METTL15: variants seen among roughly 807,000 people sequenced by gnomAD.
METTL15 encodes methyltransferase 15, mitochondrial 12S rRNA N4-cytidine.
METTL15 carries 34 observed loss-of-function variants against 38.3 expected under a neutral mutation model. The observed-to-expected ratio is 0.89, with a 90% CI of 0.68 to 1.18. The LOEUF (loss-of-function observed/expected upper bound fraction) is 1.18. Ranked by LOEUF, METTL15 falls within the 50% of genes most tolerant of loss-of-function variation. METTL15 has a pLI of 0.00. For synonymous variants in METTL15, 162 were observed against 170.9 expected (o/e 0.95, Z 0.41); for missense variants, 438 against 498.4 (o/e 0.88, Z 1.15).
intron 3 of METTL15, among the ~76,000 whole-genome samples, chr11:28,131,356 C>G (rs1849328988): frequency 6.6e-6 from 1 of 152,186 alleles, no homozygotes; most frequent in Non-Finnish European, 1.5e-5. Context: ...CGCACCATCT[C>G]TAGCCCAGGT....
chr11:28,320,366 CTAGGCAACG>C (rs929114297), intron 6 of METTL15, among the ~76,000 whole-genome samples: 3 of 151,456 alleles, frequency 2.0e-5, no homozygotes, highest in African/African-American at 4.9e-5. Flanking sequence ...CAAGACCAGC[CTAGGCAACG>C]TAGCGAGACC....
chr11:28,267,613 C>T (rs539089984), intron 4 of METTL15, among the ~76,000 whole-genome samples: 3 of 152,304 alleles, frequency 2.0e-5, no homozygotes, highest in South Asian at 4.1e-4. Flanking sequence ...TAGCCTGGTA[C>T]AGTGCCCAGA....
At chr11:28,458,206 A>G (rs948127290) in intron 6 of METTL15, among the ~76,000 whole-genome samples, 5 of 152,192 alleles carry the variant, frequency 3.3e-5, no homozygotes, top group Non-Finnish European at 7.3e-5. Flanking sequence ...ATGGAGCCTC[A>G]TCTTCAGTTT....
intron 6 of METTL15, among the ~76,000 whole-genome samples, chr11:28,425,262 A>G (rs775616498): frequency 6.6e-6 from 1 of 152,196 alleles, no homozygotes; most frequent in Non-Finnish European, 1.5e-5. Flanking sequence ...ACAGAAGTCA[A>G]AGTAATGTTT....
intron 5 of METTL15, among the ~76,000 whole-genome samples, chr11:28,367,460 A>G (rs1455435468): frequency 6.6e-6 from 1 of 152,142 alleles, no homozygotes; most frequent in Non-Finnish European, 1.5e-5. Context: ...TTTCAAGGAG[A>G]ACTACAAACC....
intron 6 of METTL15, among the ~76,000 whole-genome samples, chr11:28,518,046 CGTT>C (rs1335416736): frequency 6.6e-6 from 1 of 152,130 alleles, no homozygotes; most frequent in African/African-American, 2.4e-5. Flanking sequence ...ATGTTCATGT[CGTT>C]AAGTGGTTCC....
chr11:28,184,957 A>G lies in METTL15; in HGVS notation c.271-26105A>G, dbSNP rs781625865. Among the ~76,000 whole-genome samples the G allele has an allele frequency of 5.5e-4, 84 of 151,644 alleles. 1 individual carries two copies. The highest frequency in any genetic ancestry group is 1.6e-3 in the East Asian group (8 of 5,152). On this transcript the variant is annotated intron_variant, in intron 3 of 6. Transcript: ENST00000407364. ...GACAGTTCCTGAGTAAAGGAAATAT[A>G]TTGAAAGTTTATTTTTAATTATGAG...
intron 5 of METTL15, among the ~76,000 whole-genome samples, chr11:28,415,675 C>A (rs1448981115): frequency 6.6e-6 from 1 of 152,104 alleles, no homozygotes; most frequent in Non-Finnish European, 1.5e-5. Flanking sequence ...CAAATAGAAG[C>A]TATAGTTGAT....
chr11:28,228,106 C>T (rs1466991023), intron 4 of METTL15, among the ~76,000 whole-genome samples: 2 of 151,764 alleles, frequency 1.3e-5, no homozygotes, highest in African/African-American at 4.8e-5. Context: ...TCAGTCTTAC[C>T]GTGTTCTCAA....
intron 3 of METTL15, among the ~76,000 whole-genome samples, chr11:28,180,514 G>A (rs1851244491): frequency 3.3e-5 from 5 of 151,648 alleles, no homozygotes; most frequent in Admixed American, 2.6e-4. Context: ...TTTAAATAAG[G>A]ACTAGAACTA....
Position 28,391,062 on chromosome 11 carries a change from T to G in METTL15, c.*358+29026T>G, listed in dbSNP as rs182556739. Among the ~76,000 whole-genome samples, 32 of 152,290 alleles carry G rather than the reference T, an allele frequency of 2.1e-4. 1 individual carries two copies. In the East Asian group the frequency reaches 5.4e-3, roughly 26 times the overall value. On this transcript the variant is annotated intron_variant and NMD_transcript_variant, in intron 5 of 7. Coordinates refer to the METTL15 transcript ENST00000532947. The stretch of plus-strand genomic sequence containing the variant: ...TATTGGTGTATAAGAATGCTTGTGA[T>G]TTTTGTACATTGATTTTGTATCCTG...
chr11:28,403,132 A>G (rs1484757436), intron 5 of METTL15, among the ~76,000 whole-genome samples: 1 of 151,932 alleles, frequency 6.6e-6, no homozygotes, highest in African/African-American at 2.4e-5. Context: ...CTGACAGCAG[A>G]TGTATGGGGG....
chr11:28,144,294 A>G (rs1337916662), intron 3 of METTL15, among the ~76,000 whole-genome samples: 1 of 152,170 alleles, frequency 6.6e-6, no homozygotes, highest in Non-Finnish European at 1.5e-5. Context: ...CCAGGTTCTT[A>G]TATCAGATTA....
downstream of METTL15, among the ~76,000 whole-genome samples, chr11:28,337,047 T>C (rs926091127): frequency 3.9e-5 from 6 of 152,138 alleles, no homozygotes; most frequent in African/African-American, 1.4e-4. Context: ...TGTGTGCATT[T>C]GTGGCTTAGT....
intron 4 of METTL15, among the ~76,000 whole-genome samples, chr11:28,217,797 A>C (rs1852968521): frequency 6.6e-6 from 1 of 152,104 alleles, no homozygotes; most frequent in Non-Finnish European, 1.5e-5. Flanking sequence ...TTTTCCCAGC[A>C]CCATTTATTA....
chr11:28,256,782 A>G (rs1335705456), intron 4 of METTL15, among the ~76,000 whole-genome samples: 1 of 151,792 alleles, frequency 6.6e-6, no homozygotes, highest in Non-Finnish European at 1.5e-5. Context: ...GTTCTCTAAG[A>G]TTCATCATTG....
chr11:28,408,261 G>A (rs75101828), intron 5 of METTL15, among the ~76,000 whole-genome samples: 127 of 152,200 alleles, frequency 8.3e-4, no homozygotes, highest in Middle Eastern at 6.8e-3. Context: ...CATGACCCAC[G>A]TTTACCTAAG....
chr11:28,221,841 A>G (rs543470437), intron 4 of METTL15, among the ~76,000 whole-genome samples: 4 of 152,288 alleles, frequency 2.6e-5, no homozygotes, highest in African/African-American at 9.6e-5. Context: ...TTGCCTGGGT[A>G]TCAGCAGAGG....
intron 6 of METTL15, among the ~76,000 whole-genome samples, chr11:28,478,168 A>C (rs1269676585): frequency 6.6e-6 from 1 of 152,224 alleles, no homozygotes; most frequent in Non-Finnish European, 1.5e-5. Flanking sequence ...ACCATCTGGA[A>C]GAATCTGGAA....
Sources: allele counts gnomAD v4.1 joint callset (sites outside exome capture counted in the v4.1 genomes callset), GRCh38; gene constraint gnomAD v4.1.1; transcripts MANE v1.5; gene names NCBI Gene and HGNC (gene_info 2026-07-23, HGNC 2026-07-21).